The following RTTN variants were observed in gnomAD, a reference collection of about 807,000 sequenced individuals.
RTTN encodes the protein rotatin.
A neutral mutation model predicts 269.2 loss-of-function variants in RTTN; 182 were observed. The ratio of observed to expected loss-of-function variants is 0.68; its 90% CI spans 0.60 to 0.76. The LOEUF is 0.76. Among genes scored for constraint, RTTN ranks in the 30% least tolerant of loss-of-function variants. The probability of loss-of-function intolerance (pLI) is 0.00; values close to 1 mark genes in which losing one functional copy is unlikely to be tolerated. For synonymous variants in RTTN, 1,006 were observed against 963.5 expected (o/e 1.04, Z -0.82); for missense variants, 2,545 against 2,608.6 (o/e 0.98, Z 0.53).
At chr18:70,167,577 G>C (rs1449255971) in intron 12 of RTTN, among the ~76,000 whole-genome samples, 1 of 151,990 alleles carries the variant, frequency 6.6e-6, no homozygotes, top group African/African-American at 2.4e-5. Context: ...CAAAAAATTA[G>C]CTGGTTGTGG....
At chr18:70,085,754 A>G (rs568653012) in intron 32 of RTTN, among the ~76,000 whole-genome samples, 3 of 152,296 alleles carry the variant, frequency 2.0e-5, no homozygotes, top group Non-Finnish European at 4.4e-5. Flanking sequence ...GTTCTCACGT[A>G]TAAGTGGGAG....
chr18:70,121,145 T>C (rs1380489131), intron 26 of RTTN, among the ~76,000 whole-genome samples: 1 of 152,156 alleles, frequency 6.6e-6, no homozygotes, highest in African/African-American at 2.4e-5. Flanking sequence ...GTAACCGTTA[T>C]TTAAGGCCTG....
chr18:70,070,920 T>C (rs1323206071), intron 34 of RTTN, among the ~76,000 whole-genome samples: 1 of 152,204 alleles, frequency 6.6e-6, no homozygotes, highest in Non-Finnish European at 1.5e-5. Context: ...TTTGTATGCA[T>C]ATAAAAGAGA....
At chr18:70,168,445 A>G (rs1334738645) in intron 12 of RTTN, among the ~76,000 whole-genome samples, 1 of 152,194 alleles carries the variant, frequency 6.6e-6, no homozygotes, top group Non-Finnish European at 1.5e-5. Flanking sequence ...GCCTTTATAT[A>G]TATGTAAGAA....
At chr18:70,159,415 G>C (rs2145856438) in intron 14 of RTTN, among the ~76,000 whole-genome samples, 1 of 152,224 alleles carries the variant, frequency 6.6e-6, no homozygotes, top group Non-Finnish European at 1.5e-5. Context: ...CAATATATCA[G>C]AATCTTTAGA....
intron 46 of RTTN, among the ~76,000 whole-genome samples, chr18:70,016,027 T>G (rs2056527289): frequency 6.6e-6 from 1 of 152,092 alleles, no homozygotes; most frequent in South Asian, 2.1e-4. Flanking sequence ...AAACCAGTGA[T>G]GTACATCACG....
chr18:70,070,082 A>G (rs1310920054), intron 34 of RTTN, among the ~76,000 whole-genome samples: 1 of 152,240 alleles, frequency 6.6e-6, no homozygotes, highest in Non-Finnish European at 1.5e-5. Flanking sequence ...TGTAAAAAAA[A>G]GAAAGCTCAG....
chr18:70,163,180 G>C (rs556563238), intron 14 of RTTN, among the ~76,000 whole-genome samples: 3 of 148,192 alleles, frequency 2.0e-5, no homozygotes, highest in African/African-American at 5.0e-5. Flanking sequence ...TCAAGAGATC[G>C]AGACCATCCT....
intron 7 of RTTN, chr18:70,194,830 T>C (rs558819466): frequency 6.6e-6 from 1 of 152,326 alleles, no homozygotes; most frequent in Admixed American, 6.5e-5. Flanking sequence ...TGATTAGAGT[T>C]TCTGTTTCAG....
At chr18:70,171,185 A>G (rs1252649218) in intron 11 of RTTN, among the ~76,000 whole-genome samples, 2 of 152,190 alleles carry the variant, frequency 1.3e-5, no homozygotes, top group African/African-American at 4.8e-5. Context: ...AACAATCACA[A>G]ATGGGATATA....
At chr18:70,112,710 T>C (rs2059504236) in intron 27 of RTTN, among the ~76,000 whole-genome samples, 1 of 152,032 alleles carries the variant, frequency 6.6e-6, no homozygotes, top group South Asian at 2.1e-4. Flanking sequence ...TACCACACAA[T>C]AACAGTGGGA....
Position 70,109,348 on chromosome 18 carries a change from T to C in RTTN, c.3903+150A>G, listed in dbSNP as rs1284510008. The C allele has an allele frequency of 5.3e-6, 3 of 567,516 alleles. No homozygotes were observed. The African/African-American group carries it at 5.6e-5, about 11-fold the overall frequency. The allele number at this position is 567,516 out of a possible 1,614,324, so 35.2% of individuals were successfully genotyped here. ...GTGACCTTCCTTACTTAACTATTAA[T>C]AAAAATCACTAAAACATTTCACTAT... On this transcript the variant is annotated intron_variant, in intron 28 of 48. Transcript: ENST00000640769.
Position 70,185,121 on chromosome 18 carries a change from A to C in RTTN, c.1305+2987T>G, listed in dbSNP as rs565097390. Among the ~76,000 whole-genome samples, 4 of 152,226 alleles carry C rather than the reference A, an allele frequency of 2.6e-5. No homozygotes were observed. In the East Asian group the frequency reaches 7.7e-4, roughly 29 times the overall value. On this transcript the variant is annotated intron_variant, in intron 10 of 48. Coordinates refer to ENST00000640769, the MANE Select transcript of RTTN (RefSeq NM_173630.4). ...GAAAGAAAGGACAGTCATTTGAACA[A>C]ATAGTGCTGAGAAAATAATTGTATA...
In RTTN at chr18:70,150,738, A is replaced by G; in HGVS notation, c.1930-5T>C. On this transcript the variant is annotated splice_region_variant and splice_polypyrimidine_tract_variant and intron_variant, in intron 14 of 48. Transcript: ENST00000640769. Reference sequence around the variant, plus strand: ...ATTATGGACACCTAAACATTCCTGTAAAATAATATTAAAAAGTATTTTTAA... The same window carrying G: ...ATTATGGACACCTAAACATTCCTGTGAAATAATATTAAAAAGTATTTTTAA... 6 of 1,562,994 alleles carry G rather than the reference A, an allele frequency of 3.8e-6. No homozygotes were observed. The highest frequency in any genetic ancestry group is 5.2e-6 in the Non-Finnish European group (6 of 1,151,540).
intron 32 of RTTN, among the ~76,000 whole-genome samples, chr18:70,084,562 A>G (rs1270273276): frequency 1.3e-5 from 2 of 151,998 alleles, no homozygotes; most frequent in Non-Finnish European, 2.9e-5. Flanking sequence ...ATTGGATGAC[A>G]GATATACTGA....
chr18:70,169,109 A>T, intron 11 of RTTN, 42 bp from the exon 12 acceptor site: 1 of 1,446,440 alleles, frequency 6.9e-7, no homozygotes, highest in South Asian at 1.3e-5. Context: ...ACTTTGTTTA[A>T]AAAAAACTTA....
chr18:70,053,736 T>C (rs1197874879), intron 38 of RTTN, among the ~76,000 whole-genome samples: 3 of 152,248 alleles, frequency 2.0e-5, no homozygotes, highest in Non-Finnish European at 4.4e-5. Flanking sequence ...ACAAAATATA[T>C]ATACATTTCA....
intron 28 of RTTN, among the ~76,000 whole-genome samples, chr18:70,106,259 C>T (rs1200688472): frequency 6.6e-6 from 1 of 152,174 alleles, no homozygotes; most frequent in Non-Finnish European, 1.5e-5. Context: ...GTGGGAAGAT[C>T]ACTTGGGCTC....
At chr18:70,013,879 G>T (rs548671468) in intron 46 of RTTN, among the ~76,000 whole-genome samples, 7 of 152,086 alleles carry the variant, frequency 4.6e-5, no homozygotes, top group Admixed American at 1.3e-4. Context: ...CACAAAGACT[G>T]TCTTGATATA....
Sources: gnomAD v4.1 joint callset for allele counts (sites outside exome capture counted in the v4.1 genomes callset) on GRCh38, gnomAD v4.1.1 for gene constraint, MANE v1.5 for transcripts, NCBI Gene and HGNC (gene_info 2026-07-23, HGNC 2026-07-21) for gene names.